EPB41L3: variants seen among roughly 807,000 people sequenced by gnomAD.
EPB41L3 encodes band 4.1-like protein 3.
A neutral mutation model predicts 127.1 loss-of-function variants in EPB41L3; 57 were observed. That is an observed-to-expected ratio of 0.45 (90% CI 0.36 to 0.56). The LOEUF (loss-of-function observed/expected upper bound fraction) is 0.56, where lower values mean the gene tolerates loss of function less well. EPB41L3 is among the 20% of genes least tolerant of loss of function. The pLI, the probability that EPB41L3 is intolerant of heterozygous loss-of-function variation, is 0.00. For missense variants in EPB41L3, 1,273 were observed against 1,372.2 expected, an observed-to-expected ratio of 0.93 and a Z score of 1.14; for synonymous variants, 572 against 549.5, an observed-to-expected ratio of 1.04 and a Z score of -0.57.
At chr18:5,573,044 G>A (rs2094300124) in intron 3 of EPB41L3, among the ~76,000 whole-genome samples, 1 of 152,182 alleles carries the variant, frequency 6.6e-6, no homozygotes, top group African/African-American at 2.4e-5. Context: ...TCACTCTTTG[G>A]CAGCAAGGAA....
At chr18:5,573,427 G>A (rs1435155443) in intron 3 of EPB41L3, among the ~76,000 whole-genome samples, 3 of 152,178 alleles carry the variant, frequency 2.0e-5, no homozygotes, top group African/African-American at 7.2e-5. Flanking sequence ...CCAATAAATA[G>A]GACTAGAATA....
chr18:5,594,739 C>T (rs1379346103), intron 3 of EPB41L3, among the ~76,000 whole-genome samples: 1 of 152,156 alleles, frequency 6.6e-6, no homozygotes, highest in Non-Finnish European at 1.5e-5. Flanking sequence ...TTAATCTAGT[C>T]TAGCAGTGAA....
At chr18:5,490,991 T>A (rs1390912924) in intron 1 of EPB41L3, among the ~76,000 whole-genome samples, 2 of 152,208 alleles carry the variant, frequency 1.3e-5, no homozygotes, top group Admixed American at 6.5e-5. Flanking sequence ...GGAAATATGC[T>A]CTCTGGAATC....
chr18:5,592,537 AG>A (rs1287046851), intron 3 of EPB41L3, among the ~76,000 whole-genome samples: 1 of 152,212 alleles, frequency 6.6e-6, no homozygotes, highest in Non-Finnish European at 1.5e-5. Flanking sequence ...AGGCTGGCTA[AG>A]GGATTCTCCC....
At chr18:5,400,872 TAAA>T in intron 16 of EPB41L3, 1 of 763,276 alleles carries the variant, frequency 1.3e-6, no homozygotes, top group Non-Finnish European at 2.1e-6. Flanking sequence ...TTAAACAAGA[TAAA>T]TGTTAAAGGG....
intron 3 of EPB41L3, among the ~76,000 whole-genome samples, chr18:5,469,874 G>A (rs1423143847): frequency 1.3e-5 from 2 of 151,244 alleles, no homozygotes; most frequent in Non-Finnish European, 2.9e-5. Context: ...CCCGGGTCCC[G>A]GTTCAAGCAA....
At chr18:5,475,916 A>C (rs987795790) in intron 3 of EPB41L3, among the ~76,000 whole-genome samples, 3 of 151,878 alleles carry the variant, frequency 2.0e-5, no homozygotes, top group African/African-American at 7.3e-5. Context: ...TTTCAAGGAG[A>C]GCCAACACTG....
At chr18:5,520,304 C>T (rs2092933403) in intron 1 of EPB41L3, among the ~76,000 whole-genome samples, 1 of 152,086 alleles carries the variant, frequency 6.6e-6, no homozygotes, top group African/African-American at 2.4e-5. Flanking sequence ...GGTAGTTAAG[C>T]ACCTCCCCTG....
chr18:5,538,404 C>T (rs1273020220), intron 1 of EPB41L3, among the ~76,000 whole-genome samples: 1 of 152,184 alleles, frequency 6.6e-6, no homozygotes, highest in Non-Finnish European at 1.5e-5. Flanking sequence ...AAGTTGCCAG[C>T]TTTTTCTCTG....
In EPB41L3 at chr18:5,397,406, C is replaced by T. The variant is rs777877203; in HGVS notation, c.2493G>A (p.Glu831=). The T allele has an allele frequency of 1.9e-6, 3 of 1,611,196 alleles. No homozygotes were observed. The South Asian group carries it at 3.3e-5, about 18-fold the overall frequency. ...SWVQKMETKT[E]SSGIETEPTV... is the part of the protein sequence containing the mutation. The stretch of plus-strand genomic sequence containing the variant: ...TGGGTTCCGTCTCTATTCCACTGGA[C>T]TCCGTCTTGGTTTCCATTTTCTGCA... Residue 831 remains glutamate (E), a synonymous_variant, in exon 18 of 23, where the codon GAG becomes GAA. Coordinates refer to ENST00000341928, the MANE Select transcript of EPB41L3 (RefSeq NM_012307.5). The surrounding 1 kb of genome is among the most constrained non-coding windows in gnomAD (Gnocchi z 4.1).
intron 1 of EPB41L3, among the ~76,000 whole-genome samples, chr18:5,507,667 C>A (rs2092294426): frequency 6.6e-6 from 1 of 152,080 alleles, no homozygotes; most frequent in Admixed American, 6.5e-5. Flanking sequence ...ATAAATGGGC[C>A]ATCTTTTTTA....
At chr18:5,527,623 T>A (rs560805941) in intron 1 of EPB41L3, among the ~76,000 whole-genome samples, 67 of 152,144 alleles carry the variant, frequency 4.4e-4, no homozygotes, top group Non-Finnish European at 5.6e-4. Flanking sequence ...TGTAGTGATA[T>A]GAAGAAAAGT....
rs538990678 is a variant in EPB41L3 at position 5,470,717 on chromosome 18, C to A, written c.381+7524G>T. On this transcript the variant is annotated intron_variant, in intron 3 of 22. Transcript: ENST00000341928. ...GAACTGCTGAGGAAGTAGGCTCAGACAAGCTAAAGGTGTACCTGATAGAAA... is the reference window on the plus strand; with the variant it reads ...GAACTGCTGAGGAAGTAGGCTCAGAAAAGCTAAAGGTGTACCTGATAGAAA... Among the ~76,000 whole-genome samples the A allele has an allele frequency of 3.9e-5, 6 of 152,274 alleles. No homozygotes were observed. The South Asian group carries it at 1.0e-3, about 26-fold the overall frequency.
chr18:5,605,675 C>T (rs1403054428), intron 3 of EPB41L3, among the ~76,000 whole-genome samples: 9 of 152,128 alleles, frequency 5.9e-5, no homozygotes, highest in Non-Finnish European at 8.8e-5. Flanking sequence ...TCTCCCACCT[C>T]GGCCTTCCAA....
chr18:5,515,260 T>C (rs1475146119), intron 1 of EPB41L3, among the ~76,000 whole-genome samples: 1 of 151,942 alleles, frequency 6.6e-6, no homozygotes. Flanking sequence ...CTACTGAGAG[T>C]TTTTTTGCTT....
intron 3 of EPB41L3, among the ~76,000 whole-genome samples, chr18:5,571,552 T>C (rs2094280896): frequency 6.6e-6 from 1 of 152,178 alleles, no homozygotes; most frequent in South Asian, 2.1e-4. Context: ...GTTTCATGAG[T>C]CCTAACCCAA....
chr18:5,629,185 C>T (rs954204973), upstream of EPB41L3, among the ~76,000 whole-genome samples: 11 of 152,042 alleles, frequency 7.2e-5, no homozygotes, highest in African/African-American at 2.4e-4. Context: ...ACGCCTCGAT[C>T]CCCCACCCGC....
In EPB41L3 at chr18:5,493,011, T is replaced by C. The variant is rs117602971; in HGVS notation, c.-11-3817A>G. Among the ~76,000 whole-genome samples the C allele has an allele frequency of 4.4e-4, 67 of 152,352 alleles. 2 individuals carry two copies. In the East Asian group the frequency reaches 0.01, roughly 24 times the overall value. On this transcript the variant is annotated intron_variant, in intron 1 of 22. Coordinates refer to ENST00000341928, the MANE Select transcript of EPB41L3 (RefSeq NM_012307.5). The stretch of plus-strand genomic sequence containing the variant: ...TAATTCACCTATAAAAAGACGGTCA[T>C]TGCCATGCATTTTGGGCTTTGTTCC...
At chr18:5,480,771 T>C (rs1296805200) in intron 2 of EPB41L3, 1 of 152,222 alleles carries the variant, frequency 6.6e-6, no homozygotes, top group Non-Finnish European at 1.5e-5. Context: ...CTCTCCCTCT[T>C]AGTGTCATTT....
Sources: allele counts gnomAD v4.1 joint callset (sites outside exome capture counted in the v4.1 genomes callset), GRCh38; gene constraint gnomAD v4.1.1; non-coding constraint Gnocchi (gnomAD v3.1); transcripts MANE v1.5; gene names NCBI Gene and HGNC (gene_info 2026-07-23, HGNC 2026-07-21).